The following RRP36 variants were observed in gnomAD, a reference collection of about 807,000 sequenced individuals.
RRP36 encodes ribosomal RNA processing 36.
A neutral mutation model predicts 39.8 loss-of-function variants in RRP36; 44 were observed. That is an observed-to-expected ratio of 1.10 (90% confidence interval 0.87 to 1.42). The LOEUF (loss-of-function observed/expected upper bound fraction) is 1.42. RRP36 is among the 40% of genes most tolerant of loss of function. The pLI, the probability that RRP36 is intolerant of heterozygous loss-of-function variation, is 0.00. For synonymous variants in RRP36, 124 were observed against 123.1 expected, an observed-to-expected ratio of 1.01 and a Z score of -0.05; for missense variants, 316 against 322.4, an observed-to-expected ratio of 0.98 and a Z score of 0.15.
At chr6:43,027,828 T>C (rs570819823) in intron 6 of RRP36, among the ~76,000 whole-genome samples, 2 of 139,264 alleles carry the variant, frequency 1.4e-5, no homozygotes, top group East Asian at 4.2e-4. Context: ...TCTCTTGGTC[T>C]ACACACACAC....
chr6:43,024,897 T>C (rs1172847301), intron 1 of RRP36, 88 bp from the exon 2 acceptor site: 1 of 1,486,958 alleles, frequency 6.7e-7, no homozygotes, highest in East Asian at 2.3e-5. Context: ...GTATTAGGAT[T>C]AGCTAGCTAA....
At chr6:43,028,915 T>G (rs1317146849) in intron 6 of RRP36, among the ~76,000 whole-genome samples, 177 bp from the exon 7 acceptor site, 1 of 151,192 alleles carries the variant, frequency 6.6e-6, no homozygotes, top group South Asian at 2.1e-4. Context: ...ATCGCGTCAC[T>G]GCACTCCAGC....
intron 6 of RRP36, among the ~76,000 whole-genome samples, chr6:43,028,659 G>A (rs1762860098): frequency 1.4e-5 from 2 of 144,602 alleles, no homozygotes; most frequent in Admixed American, 6.9e-5. Flanking sequence ...AAAAAAAAAA[G>A]TCACCCGTTG....
In RRP36 at chr6:43,027,269, TGTG is replaced by T. The variant is rs1483644904; in HGVS notation, c.525+22_525+24del. 10 of 1,613,512 alleles carry T rather than the reference TGTG, an allele frequency of 6.2e-6. No homozygotes were observed. The Admixed American group carries it at 6.7e-5, about 11-fold the overall frequency. On this transcript the variant is annotated intron_variant, in intron 5 of 6. Transcript: ENST00000244496. The stretch of plus-strand genomic sequence containing the variant: ...CAGCGAATGGTGAGTGGGTAATAAT[TGTG>T]GTGGGTAATGAAAGCAATTAAAGGT...
Position 43,029,404 on chromosome 6 carries a change from C to A in RRP36, c.*176C>A. The A allele has an allele frequency of 1.6e-6, 1 of 611,154 alleles. No homozygotes were observed. The highest frequency in any genetic ancestry group is 4.6e-4 in the Middle Eastern group (1 of 2,166). 37.9% of individuals were successfully genotyped at this position (611,154 alleles called of 1,614,324 possible). A position where few individuals can be genotyped will look rare whatever the true frequency, so the allele number is the denominator to read the frequency against. ...TCCCTAGGGCTACACAAGAATAGTT[C>A]AGCCTTCTGCCATGCCACACAGCCT... On this transcript the variant is annotated 3_prime_UTR_variant, in exon 7 of 7. Transcript: ENST00000244496.
intron 3 of RRP36, among the ~76,000 whole-genome samples, chr6:43,025,732 C>G (rs1320732255): frequency 6.6e-6 from 1 of 151,542 alleles, no homozygotes; most frequent in Non-Finnish European, 1.5e-5. Context: ...GAGATTGAGA[C>G]CATCCTAGCT....
At position 43,026,151 on chromosome 6, in the gene RRP36, T is replaced by C; in HGVS notation, c.450+10T>C. 1 of 1,597,406 alleles carries C rather than the reference T, an allele frequency of 6.3e-7. No homozygotes were observed. On this transcript the variant is annotated intron_variant, in intron 4 of 6. Transcript: ENST00000244496. ...AGCGAAAGAGAAAGAGGTATACAGC[T>C]TGAGACTGGTTTATGGGGAATTTTG... is the stretch of plus-strand genomic sequence containing the variant.
At chr6:43,022,467 G>A (rs1401718323) in intron 1 of RRP36, among the ~76,000 whole-genome samples, 1 of 151,980 alleles carries the variant, frequency 6.6e-6, no homozygotes, top group Non-Finnish European at 1.5e-5. Context: ...AGGCTGGAGT[G>A]TAGTTGCACC....
Position 43,027,362 on chromosome 6 carries a change from G to A in RRP36, c.528G>A (p.Glu176=), listed in dbSNP as rs1762832111. 2 of 1,614,070 alleles carry A rather than the reference G, an allele frequency of 1.2e-6. No homozygotes were observed. Among genetic ancestry groups the A allele is most frequent in the Non-Finnish European group, 1.7e-6 (2 of 1,180,024 alleles). Residue 176 remains glutamate, a splice_region_variant and synonymous_variant, in exon 6 of 7, where the codon GAG becomes GAA. Coordinates refer to ENST00000244496, the MANE Select transcript of RRP36 (RefSeq NM_033112.4). The part of the protein sequence containing the change: ...EKLQQLLQRM[E]QQEMAQQERK... ...CCCATCTCATCTTTGCTCCTCAGGA[G>A]CAGCAAGAAATGGCACAGCAGGAAC...
chr6:43,025,761 CTCTACTAAAAA>C lies in RRP36; in HGVS notation c.346-274_346-264del, dbSNP rs543952008. 4.0e-3 allele frequency among the ~76,000 whole-genome samples: 603 copies of C among 151,808 alleles called. 4 individuals carry two copies. Among genetic ancestry groups the C allele is most frequent in the African/African-American group, 0.014 (585 of 41,370 alleles). On this transcript the variant is annotated intron_variant, in intron 3 of 6. Coordinates refer to ENST00000244496, the MANE Select transcript of RRP36 (RefSeq NM_033112.4). The stretch of plus-strand genomic sequence containing the variant: ...CCTAGCTAACACAGTGAAACCCCGT[CTCTACTAAAAA>C]TACAAAAAAAAATAGCCGGGCGTGG...
At chr6:43,025,206 G>A (rs563461315) in intron 2 of RRP36, 57 bp from the exon 3 acceptor site, 8 of 1,612,416 alleles carry the variant, frequency 5.0e-6, no homozygotes, top group African/African-American at 1.3e-5. Flanking sequence ...GGTGACAGGT[G>A]GGAAGCCTTT....
intron 1 of RRP36, among the ~76,000 whole-genome samples, chr6:43,023,999 G>A (rs1379421402): frequency 4.0e-5 from 6 of 151,828 alleles, no homozygotes; most frequent in African/African-American, 1.5e-4. Context: ...TGGGATTACA[G>A]GCACCTGCCA....
intron 6 of RRP36, among the ~76,000 whole-genome samples, chr6:43,028,065 CG>C (rs1762850679): frequency 6.6e-6 from 1 of 152,322 alleles, no homozygotes; most frequent in East Asian, 1.9e-4. Flanking sequence ...CGGTGGCTCA[CG>C]CCTATAATCC....
chr6:43,022,175 G>A (rs1478030082), intron 1 of RRP36, among the ~76,000 whole-genome samples: 1 of 151,552 alleles, frequency 6.6e-6, no homozygotes, highest in African/African-American at 2.4e-5. Flanking sequence ...GCGCGATGTC[G>A]GCAAGCTCCG....
chr6:43,028,187 C>T (rs1269014019), intron 6 of RRP36, among the ~76,000 whole-genome samples: 6 of 150,934 alleles, frequency 4.0e-5, no homozygotes, highest in Admixed American at 1.3e-4. Context: ...AAAAATTAGC[C>T]GGGCCTGGTG....
chr6:43,025,876 T>G (rs1762805042), intron 3 of RRP36, among the ~76,000 whole-genome samples, 161 bp from the exon 4 acceptor site: 1 of 151,836 alleles, frequency 6.6e-6, no homozygotes, highest in Non-Finnish European at 1.5e-5. Context: ...CAGCTTGCAG[T>G]GAGCCGAGAT....
intron 1 of RRP36, among the ~76,000 whole-genome samples, chr6:43,024,476 T>C (rs1007730323): frequency 6.6e-6 from 1 of 152,206 alleles, no homozygotes; most frequent in Non-Finnish European, 1.5e-5. Context: ...AGGAGTAACA[T>C]GATCTGAAGT....
intron 3 of RRP36, 95 bp from the exon 4 acceptor site, chr6:43,025,939 CAAA>C: frequency 2.3e-6 from 2 of 871,854 alleles, no homozygotes; most frequent in Non-Finnish European, 3.5e-6. Context: ...TCTCAAAAAG[CAAA>C]AAAAAAGAAA....
At chr6:43,028,992 T>A in intron 6 of RRP36, 100 bp from the exon 7 acceptor site, 1 of 1,469,626 alleles carries the variant, frequency 6.8e-7, no homozygotes, top group Non-Finnish European at 9.3e-7. Context: ...TTTAAAGAAC[T>A]CATGTATCCA....
Sources: allele counts gnomAD v4.1 joint callset (sites outside exome capture counted in the v4.1 genomes callset), GRCh38; gene constraint gnomAD v4.1.1; transcripts MANE v1.5; gene names NCBI Gene and HGNC (gene_info 2026-07-23, HGNC 2026-07-21).